The following SLC25A18 variants were observed in gnomAD, a reference collection of about 807,000 sequenced individuals.
SLC25A18 encodes mitochondrial glutamate carrier 2.
In SLC25A18, 24 loss-of-function variants were observed where a neutral mutation model predicts 31.1. That is an observed-to-expected ratio of 0.77 (90% CI 0.56 to 1.08). The LOEUF is 1.08. SLC25A18 is among the 50% of genes least tolerant of loss of function. The pLI, the probability that SLC25A18 is intolerant of heterozygous loss-of-function variation, is 0.00. For synonymous variants in SLC25A18, 173 were observed against 161.9 expected (o/e 1.07, Z -0.52); for missense variants, 371 against 418.5 (o/e 0.89, Z 0.99).
Position 17,587,318 on chromosome 22 carries a change from G to A in SLC25A18, c.575+17G>A. 6.2e-7 allele frequency: 1 copy of A among 1,605,162 alleles called. No individual in the cohort carries two copies. Among genetic ancestry groups the A allele is most frequent in the East Asian group, 2.2e-5 (1 of 44,820 alleles). On this transcript the variant is annotated intron_variant, in intron 8 of 10. Coordinates refer to ENST00000327451, the MANE Select transcript of SLC25A18 (RefSeq NM_031481.3). ...TCTCCTCAGGTGAGCCTTTCTTCCG[G>A]TTCCCTAGGACAAGTGCACGGGGGA...
chr22:17,565,149 G>A (rs1217380659), intron 1 of SLC25A18, among the ~76,000 whole-genome samples: 2 of 151,960 alleles, frequency 1.3e-5, no homozygotes, highest in East Asian at 1.9e-4. Flanking sequence ...GCACAATCTC[G>A]GTTCACTGTA....
In SLC25A18 at chr22:17,590,229, T is replaced by C; in HGVS notation, c.941T>C (p.Phe314Ser). 6.2e-7 allele frequency: 1 copy of C among 1,614,232 alleles called. No individual in the cohort carries two copies. Among genetic ancestry groups the C allele is most frequent in the Non-Finnish European group, 8.5e-7 (1 of 1,180,050 alleles). The change falls in exon 11 of 11, where the codon TTT (phenylalanine) becomes TCT (serine). Residue 314 changes from phenylalanine (F) to serine (S), a missense_variant. Physicochemically the swap from Phe to Ser is radical, Grantham distance 155. Transcript: ENST00000327451. The part of the protein sequence containing the change: ...IGIGERILKC[F>S]D Reference sequence around the variant, plus strand: ...ATTGGAGAGCGCATCTTAAAGTGTTTTGACTAGACAGAGCTGGAGGTCAAG... The same window carrying C: ...ATTGGAGAGCGCATCTTAAAGTGTTCTGACTAGACAGAGCTGGAGGTCAAG...
rs200628466 is a variant in SLC25A18, at chr22:17,582,619, A to C, written c.256A>C (p.Asn86His). 3.6e-5 allele frequency: 58 copies of C among 1,605,576 alleles called. No individual in the cohort carries two copies. The East Asian group carries it at 1.2e-3, about 33-fold the overall frequency. Residue 86 changes from asparagine (N) to histidine (H), a missense_variant, in exon 6 of 11, where the codon AAC (asparagine) becomes CAC (histidine). By Grantham distance (68) the Asn-to-His change is moderately conservative (BLOSUM62 1). Coordinates refer to ENST00000327451, the MANE Select transcript of SLC25A18 (RefSeq NM_031481.3). The stretch of plus-strand genomic sequence containing the variant: ...AGAGAAGGCCATCAAGCTGGCGGCC[A>C]ACGACTTTTTCCGGCGGCTGCTCAT... ...TPEKAIKLAA[N>H]DFFRRLLMED...
chr22:17,574,021 G>T lies in SLC25A18; in HGVS notation c.-201+4035G>T, dbSNP rs140711830. Among the ~76,000 whole-genome samples, 485 of 152,300 alleles carry T rather than the reference G, an allele frequency of 3.2e-3. 4 individuals carry two copies. The highest frequency in any genetic ancestry group is 0.024 in the South Asian group (115 of 4,832). The stretch of plus-strand genomic sequence containing the variant: ...GAGGTGTGCGGATCAGCTGAGCTCA[G>T]GAGTTCAAGACCAGTCTGGGCAACA... On this transcript the variant is annotated intron_variant, in intron 2 of 10. Transcript: ENST00000327451.
chr22:17,580,437 T>C (rs2057342666), intron 3 of SLC25A18: 1 of 705,134 alleles, frequency 1.4e-6, no homozygotes. Context: ...GGGGGCCATG[T>C]TATCTAAACT....
At chr22:17,587,791 C>A in intron 8 of SLC25A18, 134 bp from the exon 9 acceptor site, 2 of 1,085,142 alleles carry the variant, frequency 1.8e-6, no homozygotes, top group Middle Eastern at 2.3e-4. Context: ...GCTCACGGGG[C>A]ACAAAAGAAG....
intron 1 of SLC25A18, among the ~76,000 whole-genome samples, chr22:17,568,019 T>A: frequency 6.6e-6 from 1 of 152,040 alleles, no homozygotes. Context: ...CTTTATATTT[T>A]GTATTTGTTT....
rs900982076 is a variant in SLC25A18 at position 17,580,232 on chromosome 22, G to A, written c.20+268G>A. On this transcript the variant is annotated intron_variant, in intron 3 of 10. Coordinates refer to ENST00000327451, the MANE Select transcript of SLC25A18 (RefSeq NM_031481.3). ...AATTAAGTTTACAGTTCTCTTTATC[G>A]TCCCAAGTTTCTTCCTTTGTGAAAG... 1.5e-4 allele frequency: 60 copies of A among 389,618 alleles called. No individual in the cohort carries two copies. The Middle Eastern group carries it at 2.5e-3, about 16-fold the overall frequency. The allele number at this position is 389,618 out of a possible 1,614,324, so 24.1% of individuals were successfully genotyped here.
In SLC25A18 at chr22:17,584,469, G is replaced by GAGAGAGAA. The variant is rs1555951532; in HGVS notation, c.409+938_409+939insGAGAAAGA. 2.5e-4 allele frequency among the ~76,000 whole-genome samples: 31 copies of GAGAGAGAA among 121,694 alleles called. No individual in the cohort carries two copies. In the East Asian group the frequency reaches 6.0e-3, roughly 24 times the overall value. 79.8% of individuals were successfully genotyped at this position (121,694 alleles called of 152,430 possible). ...AAGGAGAGAGAGAGAGAGAGAGAGA[G>GAGAGAGAA]AGAAAGAAAGAAAGAAAGAAAGAAA... On this transcript the variant is annotated intron_variant, in intron 7 of 10. Coordinates refer to ENST00000327451, the MANE Select transcript of SLC25A18 (RefSeq NM_031481.3).
At chr22:17,586,882 C>T (rs2057564232) in intron 7 of SLC25A18, among the ~76,000 whole-genome samples, 1 of 152,180 alleles carries the variant, frequency 6.6e-6, no homozygotes, top group Non-Finnish European at 1.5e-5. Context: ...GAGAAGCAAG[C>T]GGGCCAGGCT....
Position 17,590,949 on chromosome 22 carries a change from T to C in SLC25A18, c.*713T>C, listed in dbSNP as rs1001131960. 3 of 152,270 alleles carry C rather than the reference T, an allele frequency of 2.0e-5. No individual in the cohort carries two copies. The highest frequency in any genetic ancestry group is 4.4e-5 in the Non-Finnish European group (3 of 68,060). 9.4% of individuals were successfully genotyped at this position (152,270 alleles called of 1,614,324 possible). The stretch of plus-strand genomic sequence containing the variant: ...AGTGAATGCTATCACCATCTACTTT[T>C]CTACGTCCATTTCAAAACCAAACAT... On this transcript the variant is annotated 3_prime_UTR_variant, in exon 11 of 11. Transcript: ENST00000327451.
intron 2 of SLC25A18, 66 bp downstream of exon 2, chr22:17,570,052 C>T: frequency 1.0e-6 from 1 of 952,590 alleles, no homozygotes; most frequent in South Asian, 4.9e-5. Flanking sequence ...AGCAAATAAA[C>T]CATTGGGGGA....
rs1297367956 is a variant in SLC25A18, at chr22:17,581,072, G to A, written c.56G>A (p.Gly19Glu). 3.8e-6 allele frequency: 6 copies of A among 1,558,628 alleles called. No individual in the cohort carries two copies. The highest frequency in any genetic ancestry group is 4.3e-6 in the Non-Finnish European group (5 of 1,150,334). ...AAACTCATCAATGGAGGTGTAGCAG[G>A]GCTCGTGGGGGTGACCTGCGTGTTC... ...TAKLINGGVA[G>E]LVGVTCVFPI... Residue 19 changes from glycine to glutamate, a missense_variant, in exon 4 of 11, where the codon GGG (glycine) becomes GAG (glutamate). Coordinates refer to ENST00000327451, the MANE Select transcript of SLC25A18 (RefSeq NM_031481.3).
In SLC25A18 at chr22:17,579,330, G is replaced by A. The variant is rs570507223; in HGVS notation, c.-200-415G>A. 3.3e-5 allele frequency among the ~76,000 whole-genome samples: 5 copies of A among 152,030 alleles called. No individual in the cohort carries two copies. The South Asian group carries it at 6.3e-4, about 19-fold the overall frequency. ...TCGAACTCCTGAGCTCAGGCAATCC[G>A]CCCGCCTCGGCCTCCCAAAGTGTTA... is the stretch of plus-strand genomic sequence containing the variant. On this transcript the variant is annotated intron_variant, in intron 2 of 10. Coordinates refer to ENST00000327451, the MANE Select transcript of SLC25A18 (RefSeq NM_031481.3).
chr22:17,572,192 AAGG>A (rs1043277507), intron 2 of SLC25A18, among the ~76,000 whole-genome samples: 10 of 151,692 alleles, frequency 6.6e-5, no homozygotes, highest in African/African-American at 2.2e-4. Context: ...ATCTCAAAAA[AAGG>A]AGAATCGGCT....
At chr22:17,572,892 C>T (rs1299231341) in intron 2 of SLC25A18, among the ~76,000 whole-genome samples, 2 of 152,172 alleles carry the variant, frequency 1.3e-5, no homozygotes, top group East Asian at 1.9e-4. Flanking sequence ...CCGCCCGCCT[C>T]GGCCTCCCGA....
chr22:17,574,088 G>T (rs2057165952), intron 2 of SLC25A18, among the ~76,000 whole-genome samples: 3 of 152,132 alleles, frequency 2.0e-5, no homozygotes. Flanking sequence ...TAAAAAAATA[G>T]CCTGACATGG....
intron 7 of SLC25A18, among the ~76,000 whole-genome samples, chr22:17,583,804 C>T (rs927265475): frequency 1.3e-4 from 19 of 151,968 alleles, no homozygotes; most frequent in Non-Finnish European, 1.5e-4. Context: ...ATTAGCCGGG[C>T]GTGGTGGTGC....
At chr22:17,587,868 T>A in intron 8 of SLC25A18, 57 bp from the exon 9 acceptor site, 3 of 1,609,112 alleles carry the variant, frequency 1.9e-6, no homozygotes, top group Non-Finnish European at 2.5e-6. Flanking sequence ...TTGTCTCACC[T>A]TGGGTGGCAG....
Sources: gnomAD v4.1 joint callset for allele counts (sites outside exome capture counted in the v4.1 genomes callset) on GRCh38, gnomAD v4.1.1 for gene constraint, MANE v1.5 for transcripts, NCBI Gene and HGNC (gene_info 2026-07-23, HGNC 2026-07-21) for gene names.